Variants in ARPP21 observed in about 807,000 individuals in gnomAD.
ARPP21 encodes cAMP regulated phosphoprotein 21, also known as cAMP-regulated phosphoprotein 21.
A neutral mutation model predicts 113.2 loss-of-function variants in ARPP21; 69 were observed. The ratio of observed to expected loss-of-function variants is 0.61; its 90% CI spans 0.50 to 0.74. The LOEUF (loss-of-function observed/expected upper bound fraction) is 0.74, where lower values mean the gene tolerates loss of function less well. ARPP21 is among the 30% of genes least tolerant of loss of function. The pLI, the probability that ARPP21 is intolerant of heterozygous loss-of-function variation, is 0.00. For missense variants in ARPP21, 1,070 were observed against 1,037.4 expected (o/e 1.03, Z -0.43); for synonymous variants, 368 against 375.5 (o/e 0.98, Z 0.23).
At chr3:35,691,165 T>C (rs1005687364) in intron 9 of ARPP21, among the ~76,000 whole-genome samples, 160 bp downstream of exon 9, 2 of 151,678 alleles carry the variant, frequency 1.3e-5, no homozygotes, top group African/African-American at 4.8e-5. Flanking sequence ...CTGTAGAAGA[T>C]TATCTGAGAA....
chr3:35,685,493 A>C, intron 5 of ARPP21: 1 of 985,332 alleles, frequency 1.0e-6, no homozygotes, highest in Non-Finnish European at 1.2e-6. Flanking sequence ...CAATGCCTTC[A>C]TTAGGTACCA....
intron 9 of ARPP21, among the ~76,000 whole-genome samples, chr3:35,692,856 A>G (rs770730401): frequency 2.3e-4 from 35 of 151,690 alleles, no homozygotes; most frequent in Non-Finnish European, 4.0e-4. Flanking sequence ...TCAAGCAGCT[A>G]TTGGATAGAG....
At chr3:35,723,453 T>C (rs1300461272) in intron 14 of ARPP21, among the ~76,000 whole-genome samples, 1 of 152,224 alleles carries the variant, frequency 6.6e-6, no homozygotes, top group Admixed American at 6.5e-5. Flanking sequence ...TATTCACTAA[T>C]TGGTGAGTTC....
At chr3:35,752,726 T>C (rs1031251471) in intron 19 of ARPP21, among the ~76,000 whole-genome samples, 1 of 152,104 alleles carries the variant, frequency 6.6e-6, no homozygotes, top group Non-Finnish European at 1.5e-5. Flanking sequence ...GCTACTGGTC[T>C]ACTGTTTTGA....
At chr3:35,780,445 GA>G (rs896901498) in intron 19 of ARPP21, among the ~76,000 whole-genome samples, 2 of 152,116 alleles carry the variant, frequency 1.3e-5, no homozygotes, top group African/African-American at 4.8e-5. Context: ...CTACAAGAGA[GA>G]TATTAGCCTA....
intron 1 of ARPP21, among the ~76,000 whole-genome samples, chr3:35,652,307 G>C (rs1164018995): frequency 6.6e-6 from 1 of 152,026 alleles, no homozygotes; most frequent in Non-Finnish European, 1.5e-5. Context: ...TAAAATTACA[G>C]TAAACTTGTG....
chr3:35,642,893 T>C (rs1698655803), intron 1 of ARPP21, among the ~76,000 whole-genome samples: 1 of 152,126 alleles, frequency 6.6e-6, no homozygotes, highest in Admixed American at 6.5e-5. Flanking sequence ...GTGTTTTCTC[T>C]CCTTAGAATT....
chr3:35,783,060 C>T (rs145734208), intron 19 of ARPP21, among the ~76,000 whole-genome samples: 1 of 152,200 alleles, frequency 6.6e-6, no homozygotes, highest in South Asian at 2.1e-4. Context: ...GAAACACTCC[C>T]CTACTTCTTA....
At chr3:35,746,885 T>C (rs915648101) in intron 19 of ARPP21, among the ~76,000 whole-genome samples, 2 of 152,220 alleles carry the variant, frequency 1.3e-5, no homozygotes, top group African/African-American at 2.4e-5. Flanking sequence ...TAAAGTGAAC[T>C]GGACACTATA....
intron 3 of ARPP21, 126 bp downstream of exon 3, chr3:35,682,006 G>A: frequency 4.4e-6 from 5 of 1,133,598 alleles, no homozygotes; most frequent in Non-Finnish European, 4.8e-6. Context: ...GGAAATGCTA[G>A]TCTCCTACTT....
intron 9 of ARPP21, among the ~76,000 whole-genome samples, chr3:35,703,515 A>G (rs1397715681): frequency 1.3e-5 from 2 of 151,936 alleles, no homozygotes; most frequent in Non-Finnish European, 2.9e-5. Flanking sequence ...TTGTGGAAAA[A>G]CATATTTTTA....
At chr3:35,714,169 A>G (rs1317729028) in intron 11 of ARPP21, among the ~76,000 whole-genome samples, 1 of 152,154 alleles carries the variant, frequency 6.6e-6, no homozygotes, top group Non-Finnish European at 1.5e-5. Context: ...TTTTTCTTAA[A>G]TGAGGTTTTT....
intron 14 of ARPP21, among the ~76,000 whole-genome samples, chr3:35,727,503 C>G (rs148412702): frequency 3.9e-5 from 6 of 152,304 alleles, no homozygotes; most frequent in African/African-American, 1.4e-4. Flanking sequence ...CTTCTCTGCA[C>G]TTACATGTTA....
At position 35,682,879 on chromosome 3, in the gene ARPP21, G is replaced by A; in HGVS notation, c.161G>A (p.Arg54Lys). 1 of 1,608,872 alleles carries A rather than the reference G, an allele frequency of 6.2e-7. No individual in the cohort carries two copies. The highest frequency in any genetic ancestry group is 8.5e-7 in the Non-Finnish European group (1 of 1,177,134). Residue 54 changes from arginine (R) to lysine (K), a missense_variant, in exon 4 of 21, where the codon AGA becomes AAA. Physicochemically the swap from Arg to Lys is conservative, Grantham distance 26. Transcript: ENST00000684406. The stretch of plus-strand genomic sequence containing the variant: ...CTGGAGGCTCAGAATCAAGAAAGAA[G>A]AAAATCCAAGGTAGGGTTCTTAACA... ...RRLEAQNQER[R>K]KSKSGAGKGK...
chr3:35,728,808 T>G (rs1164200343), intron 14 of ARPP21, among the ~76,000 whole-genome samples: 1 of 152,168 alleles, frequency 6.6e-6, no homozygotes, highest in East Asian at 1.9e-4. Context: ...CCCTTCAGAC[T>G]TCAGCTGTAT....
Position 35,640,652 on chromosome 3 carries a change from G to A in ARPP21, c.-213+254G>A, listed in dbSNP as rs114076863. ...TGGAAGTTGGCAATGATTTTCATCA[G>A]AGAAGTCTACAGTGATTTGTATAGG... is the stretch of plus-strand genomic sequence containing the variant. On this transcript the variant is annotated intron_variant, in intron 1 of 20. Transcript: ENST00000684406. Among the ~76,000 whole-genome samples, 1,011 of 152,294 alleles carry A rather than the reference G, an allele frequency of 6.6e-3. 9 individuals are homozygous for A. The highest frequency in any genetic ancestry group is 0.023 in the African/African-American group (968 of 41,564).
chr3:35,685,590 T>A (rs1054211238), intron 5 of ARPP21: 18 of 985,326 alleles, frequency 1.8e-5, no homozygotes, highest in Non-Finnish European at 2.2e-5. Context: ...CCCCAATGTT[T>A]GTAAATTCAC....
intron 5 of ARPP21, 60 bp downstream of exon 5, chr3:35,683,875 C>A (rs1334420767): frequency 4.2e-6 from 4 of 961,100 alleles, no homozygotes; most frequent in Admixed American, 1.7e-5. Context: ...GTGTGCATGA[C>A]TCTTAATTTG....
intron 19 of ARPP21, among the ~76,000 whole-genome samples, chr3:35,747,378 A>AG (rs57605819): frequency 6.6e-6 from 1 of 151,044 alleles, no homozygotes; most frequent in Non-Finnish European, 1.5e-5. Context: ...AAAAAAAAAA[A>AG]GAACACTAAT....
Sources: gnomAD v4.1 joint callset for allele counts (sites outside exome capture counted in the v4.1 genomes callset) on GRCh38, gnomAD v4.1.1 for gene constraint, MANE v1.5 for transcripts, NCBI Gene and HGNC (gene_info 2026-07-23, HGNC 2026-07-21) for gene names.